KANK3: variants seen among roughly 807,000 people sequenced by gnomAD.
KANK3 encodes the protein KN motif and ankyrin repeat domain-containing protein 3.
A neutral mutation model predicts 65.4 loss-of-function variants in KANK3; 61 were observed. That is an observed-to-expected ratio of 0.93 (90% CI 0.76 to 1.15). KANK3 has a LOEUF of 1.15. Among genes scored for constraint, KANK3 ranks in the 50% most tolerant of loss-of-function variants. The probability of loss-of-function intolerance (pLI) is 0.00; values close to 1 mark genes in which losing one functional copy is unlikely to be tolerated. For missense variants in KANK3, 1,187 were observed against 1,178.8 expected (o/e 1.01, Z -0.10); for synonymous variants, 586 against 543.3 (o/e 1.08, Z -1.09).
chr19:8,333,676 T>C lies in KANK3; in HGVS notation c.1719+48A>G. The C allele has an allele frequency of 7.2e-7, 1 of 1,395,366 alleles. No homozygotes were observed. The highest frequency in any genetic ancestry group is 1.5e-5 in the South Asian group (1 of 64,812). The allele number at this position is 1,395,366 out of a possible 1,614,324, so 86.4% of individuals were successfully genotyped here. ...CCCCTAAGTGGGCGTCAGAGGTCCT[T>C]GGAGGCTCCCACGCCACTCCCTGGT... On this transcript the variant is annotated intron_variant, in intron 6 of 10. Transcript: ENST00000330915. The surrounding 1 kb of genome is among the most constrained non-coding windows in gnomAD (Gnocchi z 5.0).
rs897812842 is a variant in KANK3, at chr19:8,338,092, G to C, written c.-28-236C>G. Reference sequence around the variant, plus strand: ...GCTGGAGTGCAATGCCACAATCTCGGCTCATTGCAGCCTCCCCCTCCCGGG... The same window carrying C: ...GCTGGAGTGCAATGCCACAATCTCGCCTCATTGCAGCCTCCCCCTCCCGGG... On this transcript the variant is annotated intron_variant, in intron 1 of 10. Transcript: ENST00000330915. 9.7e-5 allele frequency: 44 copies of C among 451,638 alleles called. No individual in the cohort carries two copies. The African/African-American group carries it at 9.8e-4, about 10-fold the overall frequency. The allele number at this position is 451,638 out of a possible 1,614,324, so 28.0% of individuals were successfully genotyped here.
Position 8,322,593 on chromosome 19 carries a change from T to G in KANK3, c.*246A>C, listed in dbSNP as rs1011319295. The G allele has an allele frequency of 9.0e-6, 5 of 554,524 alleles. No individual in the cohort carries two copies. The highest frequency in any genetic ancestry group is 3.1e-5 in the East Asian group (1 of 31,846). 34.4% of individuals were successfully genotyped at this position (554,524 alleles called of 1,614,324 possible). On this transcript the variant is annotated 3_prime_UTR_variant, in exon 11 of 11. Transcript: ENST00000330915. ...AAACAAAACACAAGCGTAGTAGGAA[T>G]GTTTTATTAGCAAAGAAGTTTCAGA...
chr19:8,328,387 CCACACACACACACACACACA>C (rs55963090), intron 7 of KANK3, among the ~76,000 whole-genome samples: 20,572 of 145,196 alleles, frequency 0.14, 1,610 homozygotes, highest in Middle Eastern at 0.22. Flanking sequence ...ACCACCCCCA[CCACACACACACACACACACA>C]CACACACACA....
In KANK3 at chr19:8,335,009, T is replaced by C; in HGVS notation, c.818A>G (p.Asp273Gly). The C allele has an allele frequency of 6.8e-7, 1 of 1,468,730 alleles. No individual in the cohort carries two copies. The highest frequency in any genetic ancestry group is 8.9e-7 in the Non-Finnish European group (1 of 1,119,886). 91.0% of individuals were successfully genotyped at this position (1,468,730 alleles called of 1,614,324 possible). Reference sequence around the variant, plus strand: ...CTCGCTGCGCCCTGCAGCCAGGCCGTCTGGGCTGTCAGCCCGGGGGCTGGC... The same window carrying C: ...CTCGCTGCGCCCTGCAGCCAGGCCGCCTGGGCTGTCAGCCCGGGGGCTGGC... ...ARASPRADSPDGLAAGRSEGA... is the reference protein window; with the variant it reads ...ARASPRADSPGGLAAGRSEGA... The change falls in exon 3 of 11, where the codon GAC becomes GGC. Residue 273 changes from aspartate (D) to glycine (G), a missense_variant. Physicochemically the swap from Asp to Gly is moderately conservative, Grantham distance 94 (BLOSUM62 -1). This residue lies in a region of KANK3 where 1,078 missense variants were observed against 1,038.2 expected (regional missense o/e 1.04). Coordinates refer to ENST00000330915, the MANE Select transcript of KANK3 (RefSeq NM_198471.3).
At chr19:8,339,277 C>G (rs1292455375) in intron 1 of KANK3, among the ~76,000 whole-genome samples, 2 of 152,086 alleles carry the variant, frequency 1.3e-5, no homozygotes, top group Admixed American at 6.6e-5. Flanking sequence ...AATCTCAGCA[C>G]TCTGGGAAGC....
At chr19:8,329,492 C>CAAAAAAAAAAAAAA (rs59607185) in intron 7 of KANK3, among the ~76,000 whole-genome samples, 14 of 51,104 alleles carry the variant, frequency 2.7e-4, no homozygotes, top group African/African-American at 1.0e-3. Context: ...GACTCGGCCT[C>CAAAAAAAAAAAAAA]AAAAAAAAAA....
intron 1 of KANK3, among the ~76,000 whole-genome samples, chr19:8,339,978 A>AG (rs1970702226): frequency 8.9e-6 from 1 of 111,762 alleles, no homozygotes; most frequent in African/African-American, 3.8e-5. Context: ...AAAAAAAAAA[A>AG]AAAAAAGAAA....
Position 8,324,955 on chromosome 19 carries a change from C to T in KANK3, c.2078G>A (p.Ser693Asn), listed in dbSNP as rs150685162. ...FCMGDVNAKA[S>N]QTGQTALMLA... is the part of the protein sequence containing the mutation. ...ACAGTGGGGGCGCCCACGCACCTGACTGGCCTTGGCATTGACATCACCCAT... is the reference window on the plus strand; with the variant it reads ...ACAGTGGGGGCGCCCACGCACCTGATTGGCCTTGGCATTGACATCACCCAT... Residue 693 changes from serine to asparagine, a missense_variant, in exon 8 of 11, where the codon AGT becomes AAT. Coordinates refer to ENST00000330915, the MANE Select transcript of KANK3 (RefSeq NM_198471.3). 18,048 of 1,613,354 alleles carry T rather than the reference C, an allele frequency of 0.011. 172 individuals are homozygous for T. Among genetic ancestry groups the T allele is most frequent in the South Asian group, 0.028 (2,594 of 91,046 alleles).
At chr19:8,338,110 C>A (rs545919560) in intron 1 of KANK3, 5 of 357,448 alleles carry the variant, frequency 1.4e-5, no homozygotes, top group Non-Finnish European at 1.9e-5. Flanking sequence ...CAGCCTCCCC[C>A]TCCCGGGTTC....
chr19:8,339,540 A>T (rs999535932), intron 1 of KANK3, among the ~76,000 whole-genome samples: 2 of 151,960 alleles, frequency 1.3e-5, no homozygotes, highest in Non-Finnish European at 2.9e-5. Flanking sequence ...TTGTATTTTT[A>T]GTAGAGATAG....
chr19:8,333,204 C>T lies in KANK3; in HGVS notation c.1746G>A (p.Glu582=). 3.1e-6 allele frequency: 5 copies of T among 1,612,090 alleles called. No homozygotes were observed. The highest frequency in any genetic ancestry group is 1.7e-4 in the Middle Eastern group (1 of 5,958). The part of the protein sequence containing the change: ...DGGAVRLVAQ[E]WFRVSSQRRS... Reference sequence around the variant, plus strand: ...GCCGCTGGCTGGACACTCGAAACCACTCCTGGGCCACGAGGCGCACTGCGC... The same window carrying T: ...GCCGCTGGCTGGACACTCGAAACCATTCCTGGGCCACGAGGCGCACTGCGC... Residue 582 remains glutamate (E), a synonymous_variant, in exon 7 of 11, where the codon GAG becomes GAA. Coordinates refer to ENST00000330915, the MANE Select transcript of KANK3 (RefSeq NM_198471.3). The surrounding 1 kb of genome is among the most constrained non-coding windows in gnomAD (Gnocchi z 5.0).
intron 10 of KANK3, 99 bp from the exon 11 acceptor site, chr19:8,323,021 T>G: frequency 1.5e-6 from 1 of 674,912 alleles, no homozygotes; most frequent in Non-Finnish European, 2.4e-6. Flanking sequence ...TCTTTTACCA[T>G]GGACCCAGGC....
intron 1 of KANK3, among the ~76,000 whole-genome samples, chr19:8,338,970 C>G (rs2913959): frequency 6.6e-6 from 1 of 150,434 alleles, no homozygotes; most frequent in Admixed American, 6.7e-5. Flanking sequence ...TGGGGAATTG[C>G]GGGCTGGATG....
At chr19:8,328,262 A>G (rs1051649505) in intron 7 of KANK3, among the ~76,000 whole-genome samples, 2 of 152,076 alleles carry the variant, frequency 1.3e-5, no homozygotes, top group African/African-American at 2.4e-5. Context: ...AAAAATTTAA[A>G]AAGAATCACC....
At chr19:8,330,368 G>T (rs113415216) in intron 7 of KANK3, among the ~76,000 whole-genome samples, 81 of 152,306 alleles carry the variant, frequency 5.3e-4, no homozygotes, top group Non-Finnish European at 8.1e-4. Flanking sequence ...GCCTAGGCAG[G>T]AGGATCACTT....
intron 7 of KANK3, among the ~76,000 whole-genome samples, chr19:8,328,179 G>A (rs1424215422): frequency 6.6e-6 from 1 of 152,082 alleles, no homozygotes; most frequent in African/African-American, 2.4e-5. Context: ...TTGGGAGACT[G>A]AGGAGGGAGG....
chr19:8,331,221 G>A (rs532228320), intron 7 of KANK3, among the ~76,000 whole-genome samples: 3 of 62,254 alleles, frequency 4.8e-5, no homozygotes, highest in African/African-American at 4.0e-4. Flanking sequence ...AAAAGGGGTG[G>A]GGGGGGGATT....
chr19:8,339,525 AT>A (rs1322260418), intron 1 of KANK3, among the ~76,000 whole-genome samples: 2 of 151,922 alleles, frequency 1.3e-5, no homozygotes, highest in African/African-American at 4.8e-5. Context: ...TACCTGGCTA[AT>A]TTTTTGTATT....
rs1392683071 is a variant in KANK3 at position 8,333,891 on chromosome 19, A to G, written c.1634+19T>C. On this transcript the variant is annotated intron_variant, in intron 5 of 10. Transcript: ENST00000330915. This position sits in a 1 kb window ranked among gnomAD's most constrained non-coding sequence, Gnocchi z 5.0. Reference sequence around the variant, plus strand: ...AGGGCAGCCGCCTCCTCTCCAAACAACTAGCGAGCGCCGCTCACCTCCCCT... The same window carrying G: ...AGGGCAGCCGCCTCCTCTCCAAACAGCTAGCGAGCGCCGCTCACCTCCCCT... The G allele has an allele frequency of 8.9e-6, 14 of 1,569,824 alleles. No individual in the cohort carries two copies. The highest frequency in any genetic ancestry group is 1.7e-4 in the Middle Eastern group (1 of 5,944).
Sources: gnomAD v4.1 joint callset for allele counts (sites outside exome capture counted in the v4.1 genomes callset) on GRCh38, gnomAD v4.1.1 for gene constraint, gnomAD v4.1.1 regional missense constraint, Gnocchi (gnomAD v3.1) non-coding constraint, MANE v1.5 for transcripts, NCBI Gene and HGNC (gene_info 2026-07-23, HGNC 2026-07-21) for gene names.